The following CFAP20DC variants were observed in gnomAD, a reference collection of about 807,000 sequenced individuals.
CFAP20DC encodes the protein CFAP20 domain containing.
A neutral mutation model predicts 101.7 loss-of-function variants in CFAP20DC; 84 were observed. The observed-to-expected ratio is 0.83, with a 90% confidence interval of 0.69 to 0.99. CFAP20DC has a LOEUF of 0.99. Among genes scored for constraint, CFAP20DC ranks in the 50% least tolerant of loss-of-function variants. The pLI is 0.00. For missense variants in CFAP20DC, 1,007 were observed against 970.3 expected (o/e 1.04, Z -0.50); for synonymous variants, 359 against 351.2 (o/e 1.02, Z -0.25).
intron 4 of CFAP20DC, among the ~76,000 whole-genome samples, chr3:58,972,188 C>G (rs893925280): frequency 6.6e-6 from 1 of 152,140 alleles, no homozygotes; most frequent in Non-Finnish European, 1.5e-5. Context: ...CACAAAGGAA[C>G]TGCAGATAGG....
intron 4 of CFAP20DC, among the ~76,000 whole-genome samples, chr3:58,967,955 T>G (rs1347652294): frequency 6.6e-6 from 1 of 152,220 alleles, no homozygotes; most frequent in African/African-American, 2.4e-5. Flanking sequence ...AGTGAGAACA[T>G]GCAGCATTTA....
At chr3:58,979,279 C>G (rs2092416211) in intron 4 of CFAP20DC, among the ~76,000 whole-genome samples, 1 of 152,190 alleles carries the variant, frequency 6.6e-6, no homozygotes, top group Non-Finnish European at 1.5e-5. Context: ...AGTTAGGGCT[C>G]CCTCTTCTCA....
At chr3:58,757,973 C>A (rs1194359672) in intron 15 of CFAP20DC, among the ~76,000 whole-genome samples, 1 of 152,024 alleles carries the variant, frequency 6.6e-6, no homozygotes, top group South Asian at 2.1e-4. Context: ...ACTTTTCTTG[C>A]AGGACTTTTC....
At chr3:58,895,249 T>C (rs1344782151) in intron 6 of CFAP20DC, among the ~76,000 whole-genome samples, 2 of 152,222 alleles carry the variant, frequency 1.3e-5, no homozygotes, top group South Asian at 4.1e-4. Context: ...TTCTATCGCA[T>C]TGTCAGGCTG....
intron 12 of CFAP20DC, among the ~76,000 whole-genome samples, chr3:58,853,471 C>A (rs1188536700): frequency 6.6e-6 from 1 of 152,162 alleles, no homozygotes; most frequent in African/African-American, 2.4e-5. Flanking sequence ...GGAATCCTCC[C>A]TAAATCATTT....
chr3:59,042,465 A>T (rs982227483), intron 3 of CFAP20DC, among the ~76,000 whole-genome samples: 1 of 152,046 alleles, frequency 6.6e-6, no homozygotes, highest in African/African-American at 2.4e-5. Context: ...TAGAGGGTAC[A>T]GTCTGTGCAT....
chr3:58,759,712 C>A (rs948562981), intron 15 of CFAP20DC, among the ~76,000 whole-genome samples: 6 of 152,084 alleles, frequency 3.9e-5, no homozygotes, highest in Non-Finnish European at 7.4e-5. Flanking sequence ...AATTTTTGTA[C>A]AAGGTGCAAG....
intron 15 of CFAP20DC, among the ~76,000 whole-genome samples, chr3:58,760,725 T>C (rs933231553): frequency 3.3e-5 from 5 of 152,208 alleles, no homozygotes; most frequent in African/African-American, 1.2e-4. Flanking sequence ...ACCTAATTTA[T>C]TGAGAGTTTT....
rs1397984532 is a variant in CFAP20DC at position 59,049,694 on chromosome 3, C to T, written c.-63G>A. On this transcript the variant is annotated 5_prime_UTR_variant, in exon 1 of 17. Transcript: ENST00000482387. ...CAGGGTTTCCAGCGAGTGGCGTGAC[C>T]CTGACGGCTGGAAATCGGCTGGCGG... 4 of 1,523,232 alleles carry T rather than the reference C, an allele frequency of 2.6e-6. No homozygotes were observed. Among genetic ancestry groups the T allele is most frequent in the Non-Finnish European group, 2.6e-6 (3 of 1,139,518 alleles). The allele number at this position is 1,523,232 out of a possible 1,614,324, so 94.4% of individuals were successfully genotyped here. A position where few individuals can be genotyped will look rare whatever the true frequency, so the allele number is the denominator to read the frequency against.
chr3:58,809,724 G>A (rs140893751), intron 14 of CFAP20DC, among the ~76,000 whole-genome samples: 3 of 152,148 alleles, frequency 2.0e-5, no homozygotes, highest in Admixed American at 2.0e-4. Context: ...GAGGGAAATA[G>A]AAACACAAAA....
intron 4 of CFAP20DC, among the ~76,000 whole-genome samples, chr3:58,954,852 TA>T (rs1415878459): frequency 6.6e-6 from 1 of 152,180 alleles, no homozygotes; most frequent in Non-Finnish European, 1.5e-5. Flanking sequence ...GATTTTAAAT[TA>T]ATAACTGGCA....
chr3:58,848,129 G>A (rs1361026917), intron 13 of CFAP20DC, among the ~76,000 whole-genome samples: 8 of 137,044 alleles, frequency 5.8e-5, no homozygotes, highest in Non-Finnish European at 1.1e-4. Flanking sequence ...TAACTAACCT[G>A]CACAATGTGC....
chr3:58,956,964 C>T (rs923049072), intron 4 of CFAP20DC, among the ~76,000 whole-genome samples: 1 of 152,174 alleles, frequency 6.6e-6, no homozygotes, highest in Non-Finnish European at 1.5e-5. Flanking sequence ...CACCTGGTCC[C>T]TCCCACAACA....
At chr3:58,719,155 A>G (rs2067435325) in intron 3 of CFAP20DC, among the ~76,000 whole-genome samples, 1 of 152,068 alleles carries the variant, frequency 6.6e-6, no homozygotes, top group African/African-American at 2.4e-5. Context: ...GAGTAGGAGG[A>G]TTGCTTAAGC....
chr3:58,790,476 A>T (rs1417496221), intron 15 of CFAP20DC, among the ~76,000 whole-genome samples: 2 of 152,122 alleles, frequency 1.3e-5, no homozygotes, highest in Non-Finnish European at 2.9e-5. Context: ...ACCCATATAA[A>T]CCTCAAACCC....
At chr3:59,034,520 G>C (rs1256160560) in intron 4 of CFAP20DC, among the ~76,000 whole-genome samples, 1 of 151,930 alleles carries the variant, frequency 6.6e-6, no homozygotes, top group Non-Finnish European at 1.5e-5. Flanking sequence ...AAAATGGAAA[G>C]AAAACAAAAG....
chr3:58,866,486 C>T lies in CFAP20DC; in HGVS notation c.1258+80G>A, dbSNP rs932320215. 47 of 1,277,352 alleles carry T rather than the reference C, an allele frequency of 3.7e-5. No individual in the cohort carries two copies. In the African/African-American group the frequency reaches 6.8e-4, roughly 18 times the overall value. 79.1% of individuals were successfully genotyped at this position (1,277,352 alleles called of 1,614,324 possible). On this transcript the variant is annotated intron_variant, in intron 11 of 16. Transcript: ENST00000482387. ...GCAAATCGGCTGCATCACCACTTTT[C>T]AAAATGACTGGATTTGAAATATTTA...
chr3:58,789,699 A>G (rs2072686581), intron 15 of CFAP20DC, among the ~76,000 whole-genome samples: 1 of 152,188 alleles, frequency 6.6e-6, no homozygotes, highest in African/African-American at 2.4e-5. Flanking sequence ...AAACACTGAT[A>G]TGGGTGATAA....
At chr3:58,928,880 T>C (rs895276626) in intron 5 of CFAP20DC, among the ~76,000 whole-genome samples, 1 of 152,204 alleles carries the variant, frequency 6.6e-6, no homozygotes, top group Non-Finnish European at 1.5e-5. Flanking sequence ...ATATCACTAA[T>C]TTTTTAACAG....
Sources: gnomAD v4.1 joint callset for allele counts (sites outside exome capture counted in the v4.1 genomes callset) on GRCh38, gnomAD v4.1.1 for gene constraint, MANE v1.5 for transcripts, NCBI Gene and HGNC (gene_info 2026-07-23, HGNC 2026-07-21) for gene names.